Variants in SCP2 observed in about 807,000 individuals in gnomAD.
SCP2 encodes SCP-2/3-oxoacyl-CoA thiolase.
SCP2 carries 48 observed loss-of-function variants against 71.4 expected under a neutral mutation model. The ratio of observed to expected loss-of-function variants is 0.67; its 90% CI spans 0.53 to 0.86. The LOEUF is 0.86. Ranked by LOEUF, SCP2 falls within the 40% of genes least tolerant of loss-of-function variation. SCP2 has a pLI of 0.00. For missense variants in SCP2, 560 were observed against 655.6 expected, an observed-to-expected ratio of 0.85 and a Z score of 1.59; for synonymous variants, 220 against 218.1, an observed-to-expected ratio of 1.01 and a Z score of -0.08.
chr1:52,966,687 C>T (rs1358086880), intron 6 of SCP2, among the ~76,000 whole-genome samples: 1 of 147,596 alleles, frequency 6.8e-6, no homozygotes, highest in Non-Finnish European at 1.5e-5. Flanking sequence ...AGTTTGAGAC[C>T]AGCCTGGCCA....
intron 11 of SCP2, 61 bp from the exon 12 acceptor site, chr1:53,014,829 C>T (rs1661217201): frequency 2.5e-6 from 4 of 1,585,104 alleles, no homozygotes; most frequent in Non-Finnish European, 3.4e-6. Flanking sequence ...TCACAAACAT[C>T]CCTTTTCTGG....
intron 13 of SCP2, among the ~76,000 whole-genome samples, chr1:53,028,372 A>G (rs1290187656): frequency 6.6e-6 from 1 of 152,204 alleles, no homozygotes; most frequent in Non-Finnish European, 1.5e-5. Flanking sequence ...AAGTTCAAAT[A>G]TAAAGGGATT....
chr1:52,968,395 T>G (rs1248196488), intron 6 of SCP2, among the ~76,000 whole-genome samples: 1 of 152,236 alleles, frequency 6.6e-6, no homozygotes, highest in African/African-American at 2.4e-5. Flanking sequence ...ATTCATTTCT[T>G]CATCTTCCTG....
chr1:52,976,221 T>C (rs1302451992), intron 7 of SCP2, among the ~76,000 whole-genome samples: 4 of 152,034 alleles, frequency 2.6e-5, no homozygotes, highest in African/African-American at 9.7e-5. Context: ...TACTGGGGCT[T>C]CATTATGTCA....
chr1:52,955,470 C>T (rs1655710294), intron 5 of SCP2, among the ~76,000 whole-genome samples: 1 of 152,006 alleles, frequency 6.6e-6, no homozygotes, highest in South Asian at 2.1e-4. Flanking sequence ...CTGCCCACTT[C>T]CATGAGATGA....
intron 10 of SCP2, among the ~76,000 whole-genome samples, chr1:52,987,045 G>A (rs1659067002): frequency 1.9e-5 from 2 of 106,548 alleles, no homozygotes; most frequent in African/African-American, 7.0e-5. Flanking sequence ...TTTTGCTCTT[G>A]TCGCCCAGGG....
intron 8 of SCP2, among the ~76,000 whole-genome samples, chr1:52,977,623 T>A (rs1052585945): frequency 1.3e-5 from 2 of 152,230 alleles, no homozygotes; most frequent in Admixed American, 1.3e-4. Context: ...CCTCAGAAGA[T>A]GCCTTATGCA....
At chr1:52,994,372 A>C in intron 11 of SCP2, 1 of 792,172 alleles carries the variant, frequency 1.3e-6, no homozygotes, top group Non-Finnish European at 1.5e-6. Context: ...TCTTGTTGAC[A>C]TACAACTTTT....
intron 11 of SCP2, among the ~76,000 whole-genome samples, chr1:53,008,646 A>G (rs1371755873): frequency 1.3e-5 from 2 of 152,188 alleles, no homozygotes; most frequent in African/African-American, 4.8e-5. Flanking sequence ...AATAAGAGCT[A>G]TTTATGACAA....
At chr1:52,951,729 T>G (rs1180831659) in intron 4 of SCP2, among the ~76,000 whole-genome samples, 2 of 151,856 alleles carry the variant, frequency 1.3e-5, no homozygotes, top group Admixed American at 6.6e-5. Flanking sequence ...GAACTTTTTT[T>G]TTTTTGAGAG....
At chr1:52,978,842 G>A (rs1252051892) in intron 9 of SCP2, among the ~76,000 whole-genome samples, 3 of 152,038 alleles carry the variant, frequency 2.0e-5, no homozygotes, top group East Asian at 1.9e-4. Flanking sequence ...GATTACAGGC[G>A]TGAATCACCA....
At chr1:53,010,955 C>A (rs1660949789) in intron 11 of SCP2, among the ~76,000 whole-genome samples, 1 of 152,102 alleles carries the variant, frequency 6.6e-6, no homozygotes, top group Non-Finnish European at 1.5e-5. Context: ...CCGCCTGCAC[C>A]CAGGTGAAAT....
intron 5 of SCP2, among the ~76,000 whole-genome samples, 172 bp downstream of exon 5, chr1:52,954,976 G>A (rs1164455393): frequency 1.3e-5 from 2 of 152,170 alleles, no homozygotes; most frequent in Non-Finnish European, 2.9e-5. Context: ...TCAAGGATAT[G>A]AGATTATTGG....
At chr1:52,989,766 C>T (rs1659304070) in intron 11 of SCP2, among the ~76,000 whole-genome samples, 1 of 151,738 alleles carries the variant, frequency 6.6e-6, no homozygotes, top group East Asian at 2.0e-4. Context: ...TTGGGGTAAA[C>T]AACAAAATAA....
intron 11 of SCP2, among the ~76,000 whole-genome samples, chr1:52,998,669 A>C (rs1660102549): frequency 6.6e-6 from 1 of 152,200 alleles, no homozygotes; most frequent in Non-Finnish European, 1.5e-5. Flanking sequence ...ATAAATTTCA[A>C]ACAGTGGAAT....
Position 52,961,510 on chromosome 1 carries a change from A to G in SCP2, c.404A>G (p.Asp135Gly). The G allele has an allele frequency of 1.2e-6, 2 of 1,613,880 alleles. No homozygotes were observed. Among genetic ancestry groups the G allele is most frequent in the African/African-American group, 1.3e-5 (1 of 75,028 alleles). The change falls in exon 6 of 16, where the codon GAT (aspartate) becomes GGT (glycine). Residue 135 changes from aspartate (D) to glycine (G), a missense_variant. By Grantham distance (94) the Asp-to-Gly change is moderately conservative (BLOSUM62 -1). This residue lies in a region of SCP2 where 513 missense variants were observed against 573.1 expected (regional missense o/e 0.90). Transcript: ENST00000371514. ...TTTGTTCCCCCCTCTTAGTTTTCAG[A>G]TAGAACCATTCCCACTGATAAGCAT... ...SKGSLGIKFS[D>G]RTIPTDKHVD...
At chr1:52,994,184 A>G in intron 11 of SCP2, 5 of 1,036,672 alleles carry the variant, frequency 4.8e-6, no homozygotes, top group Non-Finnish European at 5.8e-6. Context: ...CTAATGGGAC[A>G]TGGAGATGTC....
intron 13 of SCP2, among the ~76,000 whole-genome samples, chr1:53,035,594 TC>T (rs796538259): frequency 3.4e-5 from 5 of 147,356 alleles, no homozygotes; most frequent in African/African-American, 1.0e-4. Flanking sequence ...GGAAAATGTG[TC>T]CAAAAAAAAA....
chr1:53,024,785 T>C (rs1194700230), intron 12 of SCP2, among the ~76,000 whole-genome samples: 3 of 152,084 alleles, frequency 2.0e-5, no homozygotes, highest in Non-Finnish European at 4.4e-5. Flanking sequence ...TTGGCCAGGC[T>C]GGTCTCGAAC....
Sources: gnomAD v4.1 joint callset for allele counts (sites outside exome capture counted in the v4.1 genomes callset) on GRCh38, gnomAD v4.1.1 for gene constraint, gnomAD v4.1.1 regional missense constraint, MANE v1.5 for transcripts, NCBI Gene and HGNC (gene_info 2026-07-23, HGNC 2026-07-21) for gene names.